YTHDF1: variants seen among roughly 807,000 people sequenced by gnomAD.
YTHDF1 encodes YTH N6-methyladenosine RNA binding protein F1.
A neutral mutation model predicts 49.1 loss-of-function variants in YTHDF1; 16 were observed. The observed-to-expected ratio is 0.33, with a 90% CI of 0.22 to 0.49. The LOEUF is 0.49. Among genes scored for constraint, YTHDF1 ranks in the 20% least tolerant of loss-of-function variants. YTHDF1 has a pLI of 0.99. For missense variants in YTHDF1, 621 were observed against 744.3 expected, an observed-to-expected ratio of 0.83 and a Z score of 1.93; for synonymous variants, 313 against 290.1, an observed-to-expected ratio of 1.08 and a Z score of -0.80.
At position 63,216,098 on chromosome 20, in the gene YTHDF1, A is replaced by C; in HGVS notation, c.-206T>G. The C allele has an allele frequency of 4.9e-6, 1 of 203,992 alleles. No homozygotes were observed. The highest frequency in any genetic ancestry group is 8.6e-6 in the Non-Finnish European group (1 of 116,848). 12.6% of individuals were successfully genotyped at this position (203,992 alleles called of 1,614,324 possible). A position where few individuals can be genotyped will look rare whatever the true frequency, so the allele number is the denominator to read the frequency against. On this transcript the variant is annotated 5_prime_UTR_variant, in exon 1 of 5. Coordinates refer to ENST00000370339, the MANE Select transcript of YTHDF1 (RefSeq NM_017798.4). ...AGCCCGGGACGCGGACGCACTGAGGAGGCGTCGACTCCAATGGCGGCGGCG... is the reference window on the plus strand; with the variant it reads ...AGCCCGGGACGCGGACGCACTGAGGCGGCGTCGACTCCAATGGCGGCGGCG...
In YTHDF1 at chr20:63,202,553, C is replaced by T. The variant is rs752675686; in HGVS notation, c.1387G>A (p.Gly463Arg). ...KSPVDYGTSA[G>R]VWSQDKWKGK... ...TTCCACTTGTCCTGAGACCAGACCC[C>T]GGCACTGGTGCCGTAGTCCACGGGG... Residue 463 changes from glycine to arginine, a missense_variant, in exon 4 of 5, where the codon GGG (glycine) becomes AGG (arginine). This residue lies in a region of YTHDF1 where 151 missense variants were observed against 248.5 expected (regional missense o/e 0.61). Transcript: ENST00000370339. 16 of 1,614,128 alleles carry T rather than the reference C, an allele frequency of 9.9e-6. No homozygotes were observed. In the South Asian group the frequency reaches 1.2e-4, roughly 12 times the overall value.
intron 2 of YTHDF1, 53 bp from the exon 3 acceptor site, chr20:63,213,996 A>G (rs1323248673): frequency 3.9e-6 from 6 of 1,553,074 alleles, no homozygotes; most frequent in Non-Finnish European, 5.2e-6. Context: ...GATTACTTTT[A>G]AGCTTGGAAG....
chr20:63,213,746 T>C (rs562428629), intron 3 of YTHDF1, 118 bp downstream of exon 3: 1 of 889,986 alleles, frequency 1.1e-6, no homozygotes, highest in Non-Finnish European at 1.7e-6. Flanking sequence ...TCATTCCTAA[T>C]ACTTTATAGT....
Position 63,202,231 on chromosome 20 carries a change from A to C in YTHDF1, c.1653+56T>G, listed in dbSNP as rs898123914. 2.7e-5 allele frequency: 42 copies of C among 1,557,364 alleles called. 1 individual carries two copies. In the African/African-American group the frequency reaches 4.3e-4, roughly 16 times the overall value. ...TGCTCACCACCGGGCCACCTGGTCT[A>C]AGTACGGCACCAAGGACACATCTGC... On this transcript the variant is annotated intron_variant, in intron 4 of 4. Transcript: ENST00000370339.
intron 3 of YTHDF1, among the ~76,000 whole-genome samples, chr20:63,204,743 T>C (rs1341160712): frequency 8.5e-5 from 13 of 152,054 alleles, no homozygotes; most frequent in Admixed American, 7.2e-4. Flanking sequence ...GAGTGCCCCA[T>C]CGTAGGGGTC....
intron 4 of YTHDF1, among the ~76,000 whole-genome samples, chr20:63,201,010 A>AATTG (rs1178646968): frequency 6.6e-6 from 1 of 151,620 alleles, no homozygotes; most frequent in Non-Finnish European, 1.5e-5. Context: ...GCGCCACTGC[A>AATTG]CTCCAGCCTG....
At chr20:63,212,538 C>T (rs923160749) in intron 3 of YTHDF1, among the ~76,000 whole-genome samples, 1 of 152,234 alleles carries the variant, frequency 6.6e-6, no homozygotes, top group Non-Finnish European at 1.5e-5. Flanking sequence ...TGTGCTGCCC[C>T]ATGAGGCCTG....
intron 4 of YTHDF1, among the ~76,000 whole-genome samples, chr20:63,201,601 A>G (rs2066517641): frequency 6.6e-6 from 1 of 152,214 alleles, no homozygotes; most frequent in Non-Finnish European, 1.5e-5. Context: ...GACTGTCTCA[A>G]AAAGGCCCAG....
Position 63,203,517 on chromosome 20 carries a change from C to T in YTHDF1, c.423G>A (p.Gln141=), listed in dbSNP as rs754235506. ...TGCTCCCATACGCGGAGCTCTGGGTCTGCTGACCTTGAGACCCACTTGTCC... is the reference window on the plus strand; with the variant it reads ...TGCTCCCATACGCGGAGCTCTGGGTTTGCTGACCTTGAGACCCACTTGTCC... ...AWGTSGSQGQ[Q]TQSSAYGSSY... The change falls in exon 4 of 5, where the codon CAG becomes CAA. Residue 141 remains glutamine, a synonymous_variant. Coordinates refer to ENST00000370339, the MANE Select transcript of YTHDF1 (RefSeq NM_017798.4). This position sits in a 1 kb window ranked among gnomAD's most constrained non-coding sequence, Gnocchi z 4.4. 1 of 1,613,826 alleles carries T rather than the reference C, an allele frequency of 6.2e-7. No homozygotes were observed. The highest frequency in any genetic ancestry group is 1.3e-5 in the African/African-American group (1 of 74,936).
intron 4 of YTHDF1, 69 bp downstream of exon 4, chr20:63,202,218 G>T: frequency 6.5e-7 from 1 of 1,536,186 alleles, no homozygotes; most frequent in Non-Finnish European, 8.8e-7. Flanking sequence ...CTCACCACCG[G>T]GCCACCTGGT....
intron 3 of YTHDF1, among the ~76,000 whole-genome samples, chr20:63,206,389 A>G (rs1166185329): frequency 1.3e-5 from 2 of 152,206 alleles, no homozygotes; most frequent in African/African-American, 4.8e-5. Context: ...TCCACATTAC[A>G]TGAGGCATGT....
chr20:63,207,201 A>G (rs530916563), intron 3 of YTHDF1, among the ~76,000 whole-genome samples: 4 of 152,100 alleles, frequency 2.6e-5, no homozygotes, highest in East Asian at 1.9e-4. Context: ...GGGCACGGTG[A>G]CTCATGCCTG....
At chr20:63,196,875 A>G (rs1356632614) in intron 4 of YTHDF1, 141 bp from the exon 5 acceptor site, 2 of 910,150 alleles carry the variant, frequency 2.2e-6, no homozygotes, top group East Asian at 5.3e-5. Flanking sequence ...CCACACCAGC[A>G]CACAACTCTG....
In YTHDF1 at chr20:63,195,919, T is replaced by A. The variant is rs1012678337; in HGVS notation, c.*789A>T. The A allele has an allele frequency of 6.6e-6, 1 of 152,182 alleles. No homozygotes were observed. Among genetic ancestry groups the A allele is most frequent in the Non-Finnish European group, 1.5e-5 (1 of 68,036 alleles). 9.4% of individuals were successfully genotyped at this position (152,182 alleles called of 1,614,324 possible). A position where few individuals can be genotyped will look rare whatever the true frequency, so the allele number is the denominator to read the frequency against. ...AGCTCAGCATTATTGGTATAAAAAC[T>A]TAAGACGGCATTAGAATTCTTAAGA... On this transcript the variant is annotated 3_prime_UTR_variant, in exon 5 of 5. Coordinates refer to ENST00000370339, the MANE Select transcript of YTHDF1 (RefSeq NM_017798.4).
In YTHDF1 at chr20:63,214,205, T is replaced by C. The variant is rs189000281; in HGVS notation, c.53-262A>G. ...ATTAACCAAATCAAGTGTTAACACA[T>C]AATGCAAGGAACACATAACCAGGGT... On this transcript the variant is annotated intron_variant, in intron 2 of 4. Coordinates refer to ENST00000370339, the MANE Select transcript of YTHDF1 (RefSeq NM_017798.4). 1.4e-4 allele frequency: 110 copies of C among 759,070 alleles called. 1 individual carries two copies. The Admixed American group carries it at 1.5e-3, about 10-fold the overall frequency. The allele number at this position is 759,070 out of a possible 1,614,324, so 47.0% of individuals were successfully genotyped here.
intron 4 of YTHDF1, among the ~76,000 whole-genome samples, chr20:63,202,017 C>T (rs150901363): frequency 3.9e-5 from 6 of 152,372 alleles, no homozygotes; most frequent in Admixed American, 6.5e-5. Context: ...ACACTGTGGT[C>T]CCAATTATTC....
chr20:63,207,736 G>C lies in YTHDF1; in HGVS notation c.133-3929C>G, dbSNP rs555700295. On this transcript the variant is annotated intron_variant, in intron 3 of 4. Transcript: ENST00000370339. ...GCTAACACATTTTTAGCCGGGCACA[G>C]TGGCTCTGGCCTGTAATCCCAGCAC... 2.0e-5 allele frequency among the ~76,000 whole-genome samples: 3 copies of C among 152,296 alleles called. No individual in the cohort carries two copies. In the East Asian group the frequency reaches 5.8e-4, roughly 29 times the overall value.
intron 4 of YTHDF1, among the ~76,000 whole-genome samples, chr20:63,199,424 C>G (rs1284600647): frequency 6.6e-6 from 1 of 151,598 alleles, no homozygotes; most frequent in Non-Finnish European, 1.5e-5. Context: ...GAGGCTGAGG[C>G]AGGAGAATTG....
rs140766051 is a variant in YTHDF1 at position 63,203,630 on chromosome 20, C to T, written c.310G>A (p.Val104Ile). Residue 104 changes from valine (V) to isoleucine (I), a missense_variant, in exon 4 of 5, where the codon GTT becomes ATT. Physicochemically the swap from Val to Ile is conservative, Grantham distance 29. This residue lies in a region of YTHDF1 where 470 missense variants were observed against 495.8 expected (regional missense o/e 0.95). Coordinates refer to ENST00000370339, the MANE Select transcript of YTHDF1 (RefSeq NM_017798.4). This position sits in a 1 kb window ranked among gnomAD's most constrained non-coding sequence, Gnocchi z 4.4. ...CCCAGGCCCCCAGGCTGCCCAAAAA[C>T]AGCATCGTGCATAAAATGATGGTCT... Reference protein sequence around the residue: ...NGDHHFMHDAVFGQPGGLGNN... With the variant: ...NGDHHFMHDAIFGQPGGLGNN... The T allele has an allele frequency of 2.5e-4, 400 of 1,614,186 alleles. No individual in the cohort carries two copies. Among genetic ancestry groups the T allele is most frequent in the Middle Eastern group, 6.6e-4 (4 of 6,062 alleles).
Sources: allele counts gnomAD v4.1 joint callset (sites outside exome capture counted in the v4.1 genomes callset), GRCh38; gene constraint gnomAD v4.1.1; regional missense constraint gnomAD v4.1.1; non-coding constraint Gnocchi (gnomAD v3.1); transcripts MANE v1.5; gene names NCBI Gene and HGNC (gene_info 2026-07-23, HGNC 2026-07-21).